Variants in SNX13 observed in about 807,000 individuals in gnomAD.
SNX13 encodes the protein sorting nexin-13.
SNX13 carries 45 observed loss-of-function variants against 133.6 expected under a neutral mutation model. That is an observed-to-expected ratio of 0.34 (90% CI 0.27 to 0.43). The LOEUF is 0.43. Among genes scored for constraint, SNX13 ranks in the 20% least tolerant of loss-of-function variants. SNX13 has a pLI of 1.00. For synonymous variants in SNX13, 414 were observed against 373.9 expected (o/e 1.11, Z -1.24); for missense variants, 1,032 against 1,145.1 (o/e 0.90, Z 1.43).
intron 15 of SNX13, chr7:17,832,278 AAGAC>A (rs1788586432): frequency 5.1e-6 from 5 of 984,610 alleles, no homozygotes; most frequent in East Asian, 1.1e-4. Flanking sequence ...TGTACTGAAG[AAGAC>A]AGACTGGCTA....
At chr7:17,852,114 T>C (rs191192065) in intron 9 of SNX13, among the ~76,000 whole-genome samples, 12 of 152,296 alleles carry the variant, frequency 7.9e-5, no homozygotes, top group Admixed American at 7.2e-4. Flanking sequence ...GGTGCAGTGC[T>C]TGTAATCGCA....
intron 19 of SNX13, 139 bp from the exon 20 acceptor site, chr7:17,815,083 T>A: frequency 1.1e-6 from 1 of 920,536 alleles, no homozygotes; most frequent in Non-Finnish European, 1.5e-6. Context: ...AAAACCCAAT[T>A]ATACAGTTAG....
At chr7:17,934,281 G>C (rs953690456) in intron 1 of SNX13, among the ~76,000 whole-genome samples, 3 of 152,046 alleles carry the variant, frequency 2.0e-5, no homozygotes, top group South Asian at 2.1e-4. Context: ...GGCACTTCAT[G>C]GTCTATGAAA....
In SNX13 at chr7:17,940,486, T is replaced by C; in HGVS notation, c.-191A>G. 1.4e-6 allele frequency: 1 copy of C among 720,762 alleles called. No homozygotes were observed. Among genetic ancestry groups the C allele is most frequent in the Non-Finnish European group, 2.5e-6 (1 of 402,642 alleles). The allele number at this position is 720,762 out of a possible 1,614,324, so 44.6% of individuals were successfully genotyped here. A position where few individuals can be genotyped will look rare whatever the true frequency, so the allele number is the denominator to read the frequency against. ...GCTCGCGACGGACGCGCCGCCATCT[T>C]GGAAGAGCGACGTCCGCGTCTCGCT... On this transcript the variant is annotated 5_prime_UTR_variant, in exon 1 of 26. Transcript: ENST00000428135.
chr7:17,794,879 A>C (rs1783883961), intron 25 of SNX13: 1 of 151,706 alleles, frequency 6.6e-6, no homozygotes, highest in African/African-American at 2.4e-5. Flanking sequence ...TACCATAAAA[A>C]TGCTAAAAGT....
chr7:17,919,741 G>C (rs1799924844), intron 1 of SNX13, among the ~76,000 whole-genome samples: 1 of 152,308 alleles, frequency 6.6e-6, no homozygotes, highest in East Asian at 1.9e-4. Context: ...ATCATTTAAC[G>C]TAATTGCTCT....
chr7:17,826,383 T>C (rs150561236), intron 16 of SNX13, among the ~76,000 whole-genome samples: 40 of 152,162 alleles, frequency 2.6e-4, no homozygotes, highest in African/African-American at 9.1e-4. Flanking sequence ...TTTTCAATTA[T>C]GATCCTTATA....
At chr7:17,847,672 T>C (rs1562761494) in intron 11 of SNX13, among the ~76,000 whole-genome samples, 2 of 152,222 alleles carry the variant, frequency 1.3e-5, no homozygotes, top group Non-Finnish European at 2.9e-5. Flanking sequence ...TGCTCTCCTT[T>C]AGGGCAAAAC....
intron 20 of SNX13, among the ~76,000 whole-genome samples, chr7:17,810,938 C>T (rs1475553842): frequency 6.6e-6 from 1 of 152,020 alleles, no homozygotes; most frequent in Non-Finnish European, 1.5e-5. Context: ...AAAAGGCCTT[C>T]AACAAAATTC....
intron 16 of SNX13, among the ~76,000 whole-genome samples, chr7:17,829,099 A>G (rs1338059067): frequency 6.6e-6 from 1 of 151,642 alleles, no homozygotes; most frequent in Non-Finnish European, 1.5e-5. Flanking sequence ...GTTATAATAC[A>G]GTAACAGAAC....
In SNX13 at chr7:17,803,454, T is replaced by C; in HGVS notation, c.2191A>G (p.Arg731Gly). Reference protein sequence around the residue: ...MSDNMGKMSERLGQDIKQSFF... With the variant: ...MSDNMGKMSEGLGQDIKQSFF... ...GATTGCTTTATGTCTTGACCTAATC[T>C]TTCTGACATTTTGCCCATGTTGTCT... The change falls in exon 21 of 26, where the codon AGA becomes GGA. Residue 731 changes from arginine (R) to glycine (G), a missense_variant. Physicochemically the swap from Arg to Gly is moderately radical, Grantham distance 125. Transcript: ENST00000428135. The C allele has an allele frequency of 1.9e-6, 3 of 1,612,316 alleles. No homozygotes were observed. The highest frequency in any genetic ancestry group is 2.5e-6 in the Non-Finnish European group (3 of 1,179,090).
intron 20 of SNX13, among the ~76,000 whole-genome samples, chr7:17,805,064 C>A (rs1160915318): frequency 1.3e-5 from 2 of 152,090 alleles, no homozygotes. Flanking sequence ...AACATCCAAC[C>A]CTAGAAGAGA....
At chr7:17,915,591 C>T (rs979188585) in intron 1 of SNX13, among the ~76,000 whole-genome samples, 2 of 150,392 alleles carry the variant, frequency 1.3e-5, no homozygotes. Flanking sequence ...ACTTACTCAC[C>T]TGACCTTGGA....
chr7:17,911,347 A>G (rs1798957279), intron 1 of SNX13, among the ~76,000 whole-genome samples: 1 of 152,194 alleles, frequency 6.6e-6, no homozygotes, highest in Admixed American at 6.5e-5. Flanking sequence ...TTAGAAAGCT[A>G]AACATAATTG....
chr7:17,798,977 T>C (rs1562647421), intron 23 of SNX13, 32 bp downstream of exon 23: 2 of 1,590,090 alleles, frequency 1.3e-6, no homozygotes, highest in Non-Finnish European at 1.7e-6. Context: ...CTAAGTAAGA[T>C]CAGATTAAAA....
chr7:17,853,865 C>T (rs758151551), intron 9 of SNX13, among the ~76,000 whole-genome samples: 2 of 151,920 alleles, frequency 1.3e-5, no homozygotes, highest in Non-Finnish European at 2.9e-5. Context: ...TGCTTGAACC[C>T]GGGAGGCGGA....
chr7:17,809,758 A>G (rs979708910), intron 20 of SNX13, among the ~76,000 whole-genome samples: 9 of 152,246 alleles, frequency 5.9e-5, no homozygotes, highest in Admixed American at 3.9e-4. Flanking sequence ...AATGGAAATC[A>G]TAACAAACAG....
intron 18 of SNX13, among the ~76,000 whole-genome samples, chr7:17,821,291 T>C: frequency 6.6e-6 from 1 of 152,236 alleles, no homozygotes. Flanking sequence ...ATACTCTTGA[T>C]AGTCTGTCAC....
chr7:17,805,258 C>CGT (rs1715363467), intron 20 of SNX13, among the ~76,000 whole-genome samples: 3 of 80,502 alleles, frequency 3.7e-5, no homozygotes, highest in Non-Finnish European at 7.6e-5. Flanking sequence ...TGTGCGTGCG[C>CGT]GCGCGCGCAT....
Sources: allele counts gnomAD v4.1 joint callset (sites outside exome capture counted in the v4.1 genomes callset), GRCh38; gene constraint gnomAD v4.1.1; transcripts MANE v1.5; gene names NCBI Gene and HGNC (gene_info 2026-07-23, HGNC 2026-07-21).